The following MTCL2 variants were observed in gnomAD, a reference collection of about 807,000 sequenced individuals.
The protein encoded by MTCL2 is microtubule crosslinking factor 2, also known as microtubule cross-linking factor 2.
the MTCL2 span, chr20:36,779,291 T>C: frequency 5.9e-5 from 9 of 152,336 alleles, no homozygotes; most frequent in African/African-American, 2.2e-4. Flanking sequence ...CAGAGGAGAA[T>C]GGAGAGGATG....
the MTCL2 span, chr20:36,778,341 A>G: frequency 6.6e-6 from 1 of 152,504 alleles, no homozygotes; most frequent in Admixed American, 6.5e-5. Flanking sequence ...ATGCGTCAGA[A>G]TCATTTGGAG....
chr20:36,786,512 C>T, the MTCL2 span: 3 of 1,549,096 alleles, frequency 1.9e-6, no homozygotes, highest in East Asian at 2.4e-5. Flanking sequence ...GTGCCCTCTC[C>T]TCCCCACCCC....
the MTCL2 span, among the ~76,000 whole-genome samples, chr20:36,791,862 A>G: frequency 6.6e-6 from 1 of 152,254 alleles, no homozygotes; most frequent in Admixed American, 6.5e-5. Flanking sequence ...TCAGGTTCCT[A>G]CTCTTGGGTT....
chr20:36,795,465 T>C, the MTCL2 span, among the ~76,000 whole-genome samples: 1 of 151,140 alleles, frequency 6.6e-6, no homozygotes, highest in Admixed American at 6.6e-5. Flanking sequence ...TATCTGATGG[T>C]TTTTTTTTCT....
the MTCL2 span, among the ~76,000 whole-genome samples, chr20:36,806,523 C>T: frequency 2.0e-5 from 3 of 151,790 alleles, no homozygotes; most frequent in African/African-American, 7.3e-5. Flanking sequence ...TTCTGTGTCT[C>T]TTTATTTTTT....
At chr20:36,852,635 C>T in the MTCL2 span, among the ~76,000 whole-genome samples, 257 of 152,318 alleles carry the variant, frequency 1.7e-3, no homozygotes, top group Middle Eastern at 6.8e-3. Flanking sequence ...GACAATCCCA[C>T]AGTCCCTGGA....
At chr20:36,854,215 C>T in the MTCL2 span, among the ~76,000 whole-genome samples, 2 of 152,212 alleles carry the variant, frequency 1.3e-5, no homozygotes, top group African/African-American at 2.4e-5. Context: ...CTTAACCTCT[C>T]TGGGCCTTAG....
the MTCL2 span, among the ~76,000 whole-genome samples, chr20:36,830,889 T>C: frequency 6.6e-6 from 1 of 152,196 alleles, no homozygotes; most frequent in African/African-American, 2.4e-5. Context: ...GAGAAGGGCA[T>C]GATCGCTGGA....
the MTCL2 span, chr20:36,794,714 T>A: frequency 2.9e-6 from 4 of 1,359,206 alleles, no homozygotes; most frequent in South Asian, 4.8e-5. The surrounding 1 kb of genome is among the most constrained non-coding windows in gnomAD (Gnocchi z 5.4). Context: ...GACCGTCTTG[T>A]TCACCTCTTG....
At chr20:36,822,584 C>T in the MTCL2 span, among the ~76,000 whole-genome samples, 1 of 152,204 alleles carries the variant, frequency 6.6e-6, no homozygotes, top group African/African-American at 2.4e-5. Context: ...GGCCTCTGCA[C>T]TCAAACACCT....
the MTCL2 span, among the ~76,000 whole-genome samples, chr20:36,802,578 CATGAAACTAACAGTGGCCATAT>C: frequency 2.0e-5 from 3 of 152,130 alleles, no homozygotes; most frequent in African/African-American, 4.8e-5. Flanking sequence ...AAGATATGAG[CATGAAACTAACAGTGGCCATAT>C]TTGGGAATAG....
the MTCL2 span, chr20:36,863,018 C>A: frequency 2.1e-6 from 3 of 1,397,400 alleles, no homozygotes; most frequent in Non-Finnish European, 1.9e-6. The surrounding 1 kb of genome is among the most constrained non-coding windows in gnomAD (Gnocchi z 6.2). Context: ...GCGGCGGTGG[C>A]GGTCGCGGCC....
chr20:36,788,378 G>A, the MTCL2 span, among the ~76,000 whole-genome samples: 3 of 151,648 alleles, frequency 2.0e-5, no homozygotes, highest in African/African-American at 4.9e-5. Context: ...TGGCCCGGGC[G>A]CGGTGGCTCA....
At chr20:36,818,921 C>G in the MTCL2 span, among the ~76,000 whole-genome samples, 1 of 152,184 alleles carries the variant, frequency 6.6e-6, no homozygotes, top group East Asian at 1.9e-4. Context: ...GATCATGGCA[C>G]ATGAAGACAT....
chr20:36,829,031 T>C, the MTCL2 span: 2 of 1,528,008 alleles, frequency 1.3e-6, no homozygotes, highest in Non-Finnish European at 1.8e-6. Context: ...AGGCTGGCCC[T>C]GCTGGATGCA....
At chr20:36,827,215 AT>A in the MTCL2 span, among the ~76,000 whole-genome samples, 2 of 149,894 alleles carry the variant, frequency 1.3e-5, no homozygotes, top group Admixed American at 6.7e-5. Flanking sequence ...CACCCAGCTA[AT>A]TTTTTTTTGT....
chr20:36,826,925 A>G, the MTCL2 span, among the ~76,000 whole-genome samples: 3 of 152,072 alleles, frequency 2.0e-5, no homozygotes, highest in Non-Finnish European at 4.4e-5. Flanking sequence ...CTGCCATACT[A>G]TCTTATTCTT....
the MTCL2 span, among the ~76,000 whole-genome samples, chr20:36,816,732 C>G: frequency 6.6e-5 from 10 of 152,142 alleles, no homozygotes; most frequent in Admixed American, 2.0e-4. Context: ...CCAATGAACC[C>G]CCAAGACAGG....
chr20:36,813,245 T>C, the MTCL2 span, among the ~76,000 whole-genome samples: 1 of 135,132 alleles, frequency 7.4e-6, no homozygotes, highest in Non-Finnish European at 1.5e-5. Flanking sequence ...ATCTACAATT[T>C]GAGGCTACAG....
Sources: gnomAD v4.1 joint callset for allele counts (sites outside exome capture counted in the v4.1 genomes callset) on GRCh38, gnomAD v4.1.1 for gene constraint, Gnocchi (gnomAD v3.1) non-coding constraint, MANE v1.5 for transcripts, NCBI Gene and HGNC (gene_info 2026-07-23, HGNC 2026-07-21) for gene names.